Variants in PLSCR1 observed in about 807,000 individuals in gnomAD.
PLSCR1 encodes phospholipid scramblase 1.
In PLSCR1, 17 loss-of-function variants were observed where a neutral mutation model predicts 37.8. The observed-to-expected ratio is 0.45, with a 90% CI of 0.31 to 0.68. The LOEUF (loss-of-function observed/expected upper bound fraction) is 0.68. Ranked by LOEUF, PLSCR1 falls within the 30% of genes least tolerant of loss-of-function variation. The pLI is 0.06. For synonymous variants in PLSCR1, 116 were observed against 125.9 expected (o/e 0.92, Z 0.53); for missense variants, 347 against 380.9 (o/e 0.91, Z 0.74).
rs1180999646 is a variant in PLSCR1, at chr3:146,533,246, C to A, written c.94+224G>T. ...CTAGCTTTCTTTATACCTTTACTGT[C>A]CTCTATAAATAAAAATTACTTCTGT... On this transcript the variant is annotated intron_variant, in intron 3 of 8. Transcript: ENST00000342435. Among the ~76,000 whole-genome samples, 3 of 152,112 alleles carry A rather than the reference C, an allele frequency of 2.0e-5. No individual in the cohort carries two copies. In the South Asian group the frequency reaches 6.2e-4, roughly 32 times the overall value.
rs1377469761 is a variant in PLSCR1 at position 146,515,705 on chromosome 3, AC to A, written c.*339del. On this transcript the variant is annotated 3_prime_UTR_variant, in exon 9 of 9. Coordinates refer to ENST00000342435, the MANE Select transcript of PLSCR1 (RefSeq NM_021105.3). ...ATAAATTGTAACTAGATTTAATAGG[AC>A]AAGATATAATTTATATAAAAATTAA... 3 of 170,350 alleles carry A rather than the reference AC, an allele frequency of 1.8e-5. No individual in the cohort carries two copies. Among genetic ancestry groups the A allele is most frequent in the African/African-American group, 7.1e-5 (3 of 42,224 alleles). The allele number at this position is 170,350 out of a possible 1,614,324, so 10.6% of individuals were successfully genotyped here.
chr3:146,525,426 C>A, intron 5 of PLSCR1, 179 bp downstream of exon 5: 1 of 541,168 alleles, frequency 1.8e-6, no homozygotes, highest in South Asian at 2.4e-5. Context: ...AACATAACAG[C>A]ATTTTACCTT....
At chr3:146,528,593 A>T in intron 4 of PLSCR1, 21 bp downstream of exon 4, 1 of 1,580,186 alleles carries the variant, frequency 6.3e-7, no homozygotes, top group Non-Finnish European at 8.7e-7. Context: ...TTTTATGAGT[A>T]TTTTGTGTCT....
At chr3:146,526,295 A>G (rs1200753993) in intron 4 of PLSCR1, among the ~76,000 whole-genome samples, 1 of 152,012 alleles carries the variant, frequency 6.6e-6, no homozygotes, top group Non-Finnish European at 1.5e-5. Flanking sequence ...AGGGAAATGA[A>G]ATCCAAACCA....
chr3:146,539,213 T>G (rs976148594), intron 1 of PLSCR1, among the ~76,000 whole-genome samples: 4 of 152,220 alleles, frequency 2.6e-5, no homozygotes, highest in African/African-American at 9.6e-5. Context: ...TAGATTCTCA[T>G]AAGGAGTGCG....
At chr3:146,523,885 G>C (rs1309869005) in intron 5 of PLSCR1, among the ~76,000 whole-genome samples, 2 of 152,142 alleles carry the variant, frequency 1.3e-5, no homozygotes, top group African/African-American at 4.8e-5. Flanking sequence ...CTCAGTAACT[G>C]GGGTCATAGA....
At chr3:146,521,300 T>C (rs1037362612) in intron 7 of PLSCR1, among the ~76,000 whole-genome samples, 2 of 152,214 alleles carry the variant, frequency 1.3e-5, no homozygotes, top group African/African-American at 4.8e-5. Flanking sequence ...AAGTGAGGGA[T>C]GATTTGCTTA....
At chr3:146,538,787 T>C (rs2044299618) in intron 1 of PLSCR1, among the ~76,000 whole-genome samples, 1 of 152,184 alleles carries the variant, frequency 6.6e-6, no homozygotes, top group Non-Finnish European at 1.5e-5. Context: ...TGCAGATCTA[T>C]ACATCTGAAA....
chr3:146,529,869 T>C (rs2044172539), intron 3 of PLSCR1, among the ~76,000 whole-genome samples: 1 of 152,190 alleles, frequency 6.6e-6, no homozygotes, highest in South Asian at 2.1e-4. Context: ...GGTTAATCCT[T>C]TGCCTTATGT....
intron 5 of PLSCR1, among the ~76,000 whole-genome samples, chr3:146,524,019 A>G (rs748591561): frequency 4.6e-5 from 7 of 152,254 alleles, no homozygotes; most frequent in Non-Finnish European, 1.0e-4. Context: ...TCTTACCACC[A>G]TGAACTCCTT....
chr3:146,524,457 C>CT lies in PLSCR1; in HGVS notation c.355+1147dup, dbSNP rs142237097. 3.7e-3 allele frequency among the ~76,000 whole-genome samples: 556 copies of CT among 151,514 alleles called. 5 individuals carry two copies. The highest frequency in any genetic ancestry group is 3.9e-3 in the Non-Finnish European group (263 of 67,812). On this transcript the variant is annotated intron_variant, in intron 5 of 8. Coordinates refer to ENST00000342435, the MANE Select transcript of PLSCR1 (RefSeq NM_021105.3). Reference sequence around the variant, plus strand: ...AACAAAAAAAAAACTGGAGACATTTCTTTTTTGAAAAATAAGCATAATTAA... The same window carrying CT: ...AACAAAAAAAAAACTGGAGACATTTCTTTTTTTGAAAAATAAGCATAATTAA...
chr3:146,533,477 T>C lies in PLSCR1; in HGVS notation c.87A>G (p.Ala29=), dbSNP rs759960618. Reference sequence around the variant, plus strand: ...TTTCAGCAACTGCTTTACCTTGGAATGCTGTCGGTGGATACTGAGGAGGAT... The same window carrying C: ...TTTCAGCAACTGCTTTACCTTGGAACGCTGTCGGTGGATACTGAGGAGGAT... ...VGYPPQYPPT[A]FQGPPGYSGY... The change falls in exon 3 of 9, where the codon GCA becomes GCG. Residue 29 remains alanine (A), a synonymous_variant. Coordinates refer to ENST00000342435, the MANE Select transcript of PLSCR1 (RefSeq NM_021105.3). 89 of 1,589,006 alleles carry C rather than the reference T, an allele frequency of 5.6e-5. No homozygotes were observed. Among genetic ancestry groups the C allele is most frequent in the Non-Finnish European group, 2.3e-5 (27 of 1,160,760 alleles).
At chr3:146,519,888 A>G (rs1340550079) in intron 7 of PLSCR1, among the ~76,000 whole-genome samples, 4 of 152,224 alleles carry the variant, frequency 2.6e-5, no homozygotes, top group African/African-American at 7.2e-5. Flanking sequence ...TTCATCCTCA[A>G]TTGATATCAA....
chr3:146,539,334 G>C (rs1419663828), intron 1 of PLSCR1, among the ~76,000 whole-genome samples: 3 of 152,190 alleles, frequency 2.0e-5, no homozygotes, highest in African/African-American at 7.2e-5. Context: ...ATGTATGTGA[G>C]CGATGGGGAG....
intron 1 of PLSCR1, 67 bp from the exon 2 acceptor site, chr3:146,536,632 C>T: frequency 4.4e-6 from 4 of 903,544 alleles, no homozygotes; most frequent in Non-Finnish European, 7.4e-6. Context: ...ACAGTTGAAT[C>T]GGGATACTCT....
At chr3:146,543,259 C>T (rs1251885114) in intron 1 of PLSCR1, among the ~76,000 whole-genome samples, 1 of 152,184 alleles carries the variant, frequency 6.6e-6, no homozygotes, top group African/African-American at 2.4e-5. Context: ...TGATGTCTCT[C>T]CACCTGTATG....
chr3:146,528,739 C>T lies in PLSCR1; in HGVS notation c.187G>A (p.Val63Ile). 1 of 1,614,122 alleles carries T rather than the reference C, an allele frequency of 6.2e-7. No homozygotes were observed. The highest frequency in any genetic ancestry group is 8.5e-7 in the Non-Finnish European group (1 of 1,180,020). ...TGATTATACACTGGCTGATTTGGGA[C>T]AGGAAAGCCAGCTGGGCCAGGACCT... The part of the protein sequence containing the change: ...HSGPGPAGFP[V>I]PNQPVYNQPV... Residue 63 changes from valine (V) to isoleucine (I), a missense_variant, in exon 4 of 9, where the codon GTC becomes ATC. By Grantham distance (29) the Val-to-Ile change is conservative (BLOSUM62 3). Coordinates refer to ENST00000342435, the MANE Select transcript of PLSCR1 (RefSeq NM_021105.3).
intron 4 of PLSCR1, among the ~76,000 whole-genome samples, chr3:146,525,969 G>T (rs1248023255): frequency 6.6e-6 from 1 of 151,624 alleles, no homozygotes; most frequent in African/African-American, 2.4e-5. Flanking sequence ...AGATCACGAG[G>T]TCAGGAGATC....
At chr3:146,526,917 G>A (rs71302409) in intron 4 of PLSCR1, among the ~76,000 whole-genome samples, 1,658 of 152,230 alleles carry the variant, frequency 0.011, 13 homozygotes, top group Non-Finnish European at 0.017. Context: ...CAAGGCAGGC[G>A]GATCACAAGT....
Sources: gnomAD v4.1 joint callset for allele counts (sites outside exome capture counted in the v4.1 genomes callset) on GRCh38, gnomAD v4.1.1 for gene constraint, MANE v1.5 for transcripts, NCBI Gene and HGNC (gene_info 2026-07-23, HGNC 2026-07-21) for gene names.